Variants in BSDC1 observed in about 807,000 individuals in gnomAD.
BSDC1 encodes the protein BSD domain-containing protein 1.
Under a neutral mutation model 56.0 loss-of-function variants are expected in BSDC1, and 29 were observed. That is an observed-to-expected ratio of 0.52 (90% CI 0.39 to 0.71). The LOEUF is 0.71. Among genes scored for constraint, BSDC1 ranks in the 30% least tolerant of loss-of-function variants. The pLI is 0.00. For missense variants in BSDC1, 477 were observed against 548.5 expected (o/e 0.87, Z 1.30); for synonymous variants, 210 against 215.3 (o/e 0.98, Z 0.21).
At chr1:32,367,284 A>G in intron 10 of BSDC1, 1 of 985,414 alleles carries the variant, frequency 1.0e-6, no homozygotes, top group South Asian at 4.7e-5. Flanking sequence ...AGCAGGTTCT[A>G]GAATGCTCAC....
chr1:32,381,258 T>C lies in BSDC1; in HGVS notation c.368A>G (p.Tyr123Cys), dbSNP rs753539699. ...GGTTGCTGGGTCCGACTGCAGGCTATAGAGGCGAGCCTGTAAGAAAAGGAG... is the reference window on the plus strand; with the variant it reads ...GGTTGCTGGGTCCGACTGCAGGCTACAGAGGCGAGCCTGTAAGAAAAGGAG... ...EPYDGTKARL[Y>C]SLQSDPATYC... Residue 123 changes from tyrosine (Y) to cysteine (C), a missense_variant, in exon 5 of 11, where the codon TAT (tyrosine) becomes TGT (cysteine). Physicochemically the swap from Tyr to Cys is radical, Grantham distance 194. Transcript: ENST00000455895. The C allele has an allele frequency of 1.5e-5, 25 of 1,613,196 alleles. No individual in the cohort carries two copies. Among genetic ancestry groups the C allele is most frequent in the Admixed American group, 1.0e-4 (6 of 59,888 alleles).
At chr1:32,389,786 A>ACACACC (rs1642802372) in intron 2 of BSDC1, among the ~76,000 whole-genome samples, 1 of 140,806 alleles carries the variant, frequency 7.1e-6, no homozygotes, top group Non-Finnish European at 1.5e-5. Flanking sequence ...AACCGTCTCC[A>ACACACC]CACACACACA....
intron 2 of BSDC1, among the ~76,000 whole-genome samples, chr1:32,390,663 C>A (rs1427911022): frequency 6.6e-6 from 1 of 152,172 alleles, no homozygotes; most frequent in East Asian, 1.9e-4. Flanking sequence ...GTAGTCCCAG[C>A]ACTTTGGGAG....
rs781158297 is a variant in BSDC1, at chr1:32,377,950, C to T, written c.676+20G>A. 103 of 1,603,796 alleles carry T rather than the reference C, an allele frequency of 6.4e-5. No homozygotes were observed. Among genetic ancestry groups the T allele is most frequent in the Non-Finnish European group, 2.5e-5 (29 of 1,174,676 alleles). On this transcript the variant is annotated intron_variant, in intron 8 of 10. Coordinates refer to ENST00000455895, the MANE Select transcript of BSDC1 (RefSeq NM_018045.8). ...CCGCACAGATGTGACACTTGCCCCT[C>T]ACCTCTCAACGCCTCTTACCTTCCT...
At chr1:32,394,224 C>A in intron 1 of BSDC1, 84 bp from the exon 2 acceptor site, 1 of 1,568,982 alleles carries the variant, frequency 6.4e-7, no homozygotes. Flanking sequence ...CTCAGATGTA[C>A]CCTGCGGGCC....
At position 32,394,129 on chromosome 1, in the gene BSDC1, C is replaced by T. The variant is rs769628705; in HGVS notation, c.23G>A (p.Gly8Glu). 2.5e-6 allele frequency: 4 copies of T among 1,609,310 alleles called. No individual in the cohort carries two copies. The highest frequency in any genetic ancestry group is 3.4e-6 in the Non-Finnish European group (4 of 1,177,964). ...CTGCTGCAGCCAGCTCCGCCACCAT[C>T]CCACGTCCTCCCTGTGGAAGACAGA... is the stretch of plus-strand genomic sequence containing the variant. The part of the protein sequence containing the change: MAEGEDV[G>E]WWRSWLQQSY... Residue 8 changes from glycine to glutamate, a missense_variant, in exon 2 of 11, where the codon GGA (glycine) becomes GAA (glutamate). Physicochemically the swap from Gly to Glu is moderately conservative, Grantham distance 98 (BLOSUM62 -2). Transcript: ENST00000455895.
intron 2 of BSDC1, among the ~76,000 whole-genome samples, chr1:32,391,705 C>A (rs892572468): frequency 6.6e-6 from 1 of 152,152 alleles, no homozygotes; most frequent in African/African-American, 2.4e-5. Context: ...AGCACCATCT[C>A]ATAGCTGTGG....
Position 32,378,865 on chromosome 1 carries a change from C to A in BSDC1, c.413-26G>T. Reference sequence around the variant, plus strand: ...CTGCAGAGGGACAGATGCTGACGGTCAGTTGCCTTGGTCTGGGAAAAGAAC... The same window carrying A: ...CTGCAGAGGGACAGATGCTGACGGTAAGTTGCCTTGGTCTGGGAAAAGAAC... On this transcript the variant is annotated intron_variant, in intron 5 of 10. Transcript: ENST00000455895. The surrounding 1 kb of genome is among the most constrained non-coding windows in gnomAD (Gnocchi z 5.2). 2 of 1,427,026 alleles carry A rather than the reference C, an allele frequency of 1.4e-6. No individual in the cohort carries two copies. Among genetic ancestry groups the A allele is most frequent in the South Asian group, 2.9e-5 (2 of 68,786 alleles). The allele number at this position is 1,427,026 out of a possible 1,614,324, so 88.4% of individuals were successfully genotyped here. A position where few individuals can be genotyped will look rare whatever the true frequency, so the allele number is the denominator to read the frequency against.
chr1:32,376,714 G>T lies in BSDC1; in HGVS notation c.704C>A (p.Ser235Tyr), dbSNP rs1245449987. Reference sequence around the variant, plus strand: ...CACAGGAACCTTTGCCTCTTTTGGAGATATGGGTGAAATGCCCATGAGCTC... The same window carrying T: ...CACAGGAACCTTTGCCTCTTTTGGATATATGGGTGAAATGCCCATGAGCTC... ...EEELMGISPI[S>Y]PKEAKVPVAK... The change falls in exon 9 of 11, where the codon TCT becomes TAT. Residue 235 changes from serine to tyrosine, a missense_variant. Ser to Tyr is a moderately radical substitution (Grantham distance 144). Transcript: ENST00000455895. The T allele has an allele frequency of 2.1e-6, 3 of 1,418,396 alleles. No individual in the cohort carries two copies. In the East Asian group the frequency reaches 7.1e-5, roughly 34 times the overall value. 87.9% of individuals were successfully genotyped at this position (1,418,396 alleles called of 1,614,324 possible). A position where few individuals can be genotyped will look rare whatever the true frequency, so the allele number is the denominator to read the frequency against.
chr1:32,378,247 G>A lies in BSDC1; in HGVS notation c.565C>T (p.Arg189Trp), dbSNP rs777450364. ...AACTGATGGACTTTATAGAAATACCGATGCCAGAATTCTGAATGGGAAACA... is the reference window on the plus strand; with the variant it reads ...AACTGATGGACTTTATAGAAATACCAATGCCAGAATTCTGAATGGGAAACA... ...AAVSHSEFWH[R>W]YFYKVHQLEQ... The change falls in exon 7 of 11, where the codon CGG (arginine) becomes TGG (tryptophan). Residue 189 changes from arginine to tryptophan, a missense_variant. Arg to Trp is a moderately radical substitution (Grantham distance 101). Coordinates refer to ENST00000455895, the MANE Select transcript of BSDC1 (RefSeq NM_018045.8). The surrounding 1 kb of genome is among the most constrained non-coding windows in gnomAD (Gnocchi z 5.2). The A allele has an allele frequency of 1.2e-5, 20 of 1,614,220 alleles. No individual in the cohort carries two copies. The highest frequency in any genetic ancestry group is 2.2e-5 in the East Asian group (1 of 44,886).
rs758766425 is a variant in BSDC1, at chr1:32,368,347, A to G, written c.1260+100T>C. ...CCCACCACCTGTCACCTCAGACAGG[A>G]GCAGGGACCCTCCTGAGGGGACAGC... On this transcript the variant is annotated intron_variant, in intron 10 of 10. Coordinates refer to ENST00000455895, the MANE Select transcript of BSDC1 (RefSeq NM_018045.8). 3.7e-6 allele frequency: 6 copies of G among 1,613,980 alleles called. No homozygotes were observed. The South Asian group carries it at 5.5e-5, about 15-fold the overall frequency.
intron 1 of BSDC1, 78 bp downstream of exon 1, chr1:32,394,326 C>T: frequency 1.2e-6 from 2 of 1,608,526 alleles, no homozygotes; most frequent in African/African-American, 1.3e-5. Flanking sequence ...CTCACGTTCC[C>T]CACCGGGACT....
In BSDC1 at chr1:32,366,561, C is replaced by A; in HGVS notation, c.*61G>T. Reference sequence around the variant, plus strand: ...ACATTCTCAGTCTTCCAGGGCTGGGCTGAGACGAGCGAGGGAGGCGAGAGA... The same window carrying A: ...ACATTCTCAGTCTTCCAGGGCTGGGATGAGACGAGCGAGGGAGGCGAGAGA... On this transcript the variant is annotated 3_prime_UTR_variant, in exon 11 of 11. Coordinates refer to ENST00000455895, the MANE Select transcript of BSDC1 (RefSeq NM_018045.8). The A allele has an allele frequency of 7.0e-7, 1 of 1,426,104 alleles. No individual in the cohort carries two copies. Among genetic ancestry groups the A allele is most frequent in the Non-Finnish European group, 9.7e-7 (1 of 1,032,994 alleles). 88.3% of individuals were successfully genotyped at this position (1,426,104 alleles called of 1,614,324 possible).
intron 2 of BSDC1, among the ~76,000 whole-genome samples, chr1:32,391,470 T>C (rs926618203): frequency 2.0e-5 from 3 of 152,194 alleles, no homozygotes; most frequent in African/African-American, 7.2e-5. Context: ...AATTGGAGAC[T>C]GAAGAGTATG....
Position 32,391,101 on chromosome 1 carries a change from A to G in BSDC1, c.72+2979T>C, listed in dbSNP as rs142465324. Among the ~76,000 whole-genome samples, 248 of 152,158 alleles carry G rather than the reference A, an allele frequency of 1.6e-3. 1 individual carries two copies. In the South Asian group the frequency reaches 0.028, roughly 17 times the overall value. The stretch of plus-strand genomic sequence containing the variant: ...GAACTCATGAGACAGTTACAAAAGC[A>G]ACGTCTGGAGAAGTATGTGGAGACT... On this transcript the variant is annotated intron_variant, in intron 2 of 10. Transcript: ENST00000455895.
chr1:32,366,593 G>A lies in BSDC1; in HGVS notation c.*29C>T. 5.3e-6 allele frequency: 8 copies of A among 1,514,652 alleles called. No individual in the cohort carries two copies. The highest frequency in any genetic ancestry group is 7.1e-6 in the Non-Finnish European group (8 of 1,119,904). 93.8% of individuals were successfully genotyped at this position (1,514,652 alleles called of 1,614,324 possible). On this transcript the variant is annotated 3_prime_UTR_variant, in exon 11 of 11. Transcript: ENST00000455895. ...GAGCGAGGGAGGCGAGAGATGCCAT[G>A]GGTGGGGGAGCTGCTCCCTCTGGCT...
In BSDC1 at chr1:32,394,398, G is replaced by C; in HGVS notation, c.11+6C>G. 6.2e-7 allele frequency: 1 copy of C among 1,614,124 alleles called. No homozygotes were observed. Among genetic ancestry groups the C allele is most frequent in the Non-Finnish European group, 8.5e-7 (1 of 1,180,030 alleles). ...CCAACGCCTAGGAGCAAAACGACAA[G>C]CTCACCCTTCCGCCATCTTGCCTGC... On this transcript the variant is annotated splice_donor_region_variant and intron_variant, in intron 1 of 10. Transcript: ENST00000455895.
intron 5 of BSDC1, among the ~76,000 whole-genome samples, chr1:32,380,497 T>C (rs1165387297): frequency 6.6e-6 from 1 of 152,058 alleles, no homozygotes; most frequent in Non-Finnish European, 1.5e-5. Context: ...AATACAAAAA[T>C]TAGCCAGATG....
chr1:32,386,932 G>GC, intron 2 of BSDC1, 37 bp from the exon 3 acceptor site: 1 of 1,531,722 alleles, frequency 6.5e-7, no homozygotes, highest in Middle Eastern at 2.3e-4. Context: ...GGGCCAGCTG[G>GC]CCCCACCACC....
Sources: gnomAD v4.1 joint callset for allele counts (sites outside exome capture counted in the v4.1 genomes callset) on GRCh38, gnomAD v4.1.1 for gene constraint, Gnocchi (gnomAD v3.1) non-coding constraint, MANE v1.5 for transcripts, NCBI Gene and HGNC (gene_info 2026-07-23, HGNC 2026-07-21) for gene names.